ABLIM1: variants seen among roughly 807,000 people sequenced by gnomAD.
ABLIM1 encodes the protein actin-binding LIM protein 1.
In ABLIM1, 40 loss-of-function variants were observed where a neutral mutation model predicts 107.0. The observed-to-expected ratio is 0.37, with a 90% CI of 0.29 to 0.49. The LOEUF is 0.49. Among genes scored for constraint, ABLIM1 ranks in the 20% least tolerant of loss-of-function variants. The pLI is 0.97. For missense variants in ABLIM1, 857 were observed against 1,008.5 expected (o/e 0.85, Z 2.04); for synonymous variants, 357 against 357.3 (o/e 1.00, Z 0.01).
the ABLIM1 span, among the ~76,000 whole-genome samples, chr10:114,797,892 T>C: frequency 1.3e-5 from 2 of 152,196 alleles, no homozygotes; most frequent in East Asian, 3.8e-4. Flanking sequence ...TCTTATCTAC[T>C]TTATCTGAGT....
intron 20 of ABLIM1, chr10:114,439,848 A>G (rs1412652801): frequency 3.4e-5 from 21 of 612,308 alleles, no homozygotes; most frequent in Non-Finnish European, 1.7e-5. Context: ...GGCCAAAGCA[A>G]GAGAGACCCC....
chr10:114,754,035 G>T (rs1326300210), intron 1 of ABLIM1, among the ~76,000 whole-genome samples: 1 of 152,112 alleles, frequency 6.6e-6, no homozygotes, highest in Non-Finnish European at 1.5e-5. Flanking sequence ...TGTATTTTTA[G>T]TAGAGACGGC....
At chr10:114,554,508 G>C (rs1031490931) in intron 4 of ABLIM1, among the ~76,000 whole-genome samples, 1 of 152,198 alleles carries the variant, frequency 6.6e-6, no homozygotes, top group Admixed American at 6.5e-5. Flanking sequence ...ACCAGCCTAG[G>C]CAATATAGTG....
intron 1 of ABLIM1, among the ~76,000 whole-genome samples, chr10:114,712,330 G>C (rs1448302133): frequency 2.7e-5 from 4 of 145,572 alleles, no homozygotes; most frequent in Non-Finnish European, 6.0e-5. Flanking sequence ...TCCAGCCTGG[G>C]TGACAGAGCG....
chr10:114,487,089 GGTC>G (rs1590295637), intron 8 of ABLIM1, among the ~76,000 whole-genome samples: 1 of 152,188 alleles, frequency 6.6e-6, no homozygotes, highest in Admixed American at 6.5e-5. Context: ...TCAGTAAACT[GGTC>G]GTGCTGCTGC....
chr10:114,697,540 C>T (rs1284460171), intron 1 of ABLIM1, among the ~76,000 whole-genome samples: 1 of 152,226 alleles, frequency 6.6e-6, no homozygotes, highest in African/African-American at 2.4e-5. Flanking sequence ...ACCTGCACAG[C>T]GTGAACCTGT....
chr10:114,489,175 G>A (rs1488162571), intron 7 of ABLIM1, among the ~76,000 whole-genome samples: 2 of 152,112 alleles, frequency 1.3e-5, no homozygotes, highest in African/African-American at 4.8e-5. Context: ...GCACCACCAT[G>A]CCTGGGTGAT....
rs933259769 is a variant in ABLIM1, at chr10:114,690,193, C to T, written c.-213+77868G>A. On this transcript the variant is annotated intron_variant, in intron 1 of 15. Coordinates refer to the ABLIM1 transcript ENST00000651092. Reference sequence around the variant, plus strand: ...ATGGTGATTTTCTTGCTGGTCTTTCCATTCCTGGACCCAAAGCGCCCCGTG... The same window carrying T: ...ATGGTGATTTTCTTGCTGGTCTTTCTATTCCTGGACCCAAAGCGCCCCGTG... 4.3e-6 allele frequency: 6 copies of T among 1,406,398 alleles called. No homozygotes were observed. The African/African-American group carries it at 7.1e-5, about 17-fold the overall frequency. The allele number at this position is 1,406,398 out of a possible 1,614,324, so 87.1% of individuals were successfully genotyped here.
intron 1 of ABLIM1, among the ~76,000 whole-genome samples, chr10:114,674,412 A>G (rs1329444816): frequency 6.6e-6 from 1 of 152,214 alleles, no homozygotes; most frequent in Non-Finnish European, 1.5e-5. Flanking sequence ...TAACTGTAAA[A>G]ATGTTTCATA....
At chr10:114,650,018 G>A (rs61867931) in intron 1 of ABLIM1, among the ~76,000 whole-genome samples, 1 of 152,044 alleles carries the variant, frequency 6.6e-6, no homozygotes, top group African/African-American at 2.4e-5. Context: ...ACCATGCCAG[G>A]CTAATTTTTG....
intron 9 of ABLIM1, 31 bp from the exon 10 acceptor site, chr10:114,473,163 C>T: frequency 6.3e-7 from 1 of 1,585,278 alleles, no homozygotes; most frequent in South Asian, 1.1e-5. Flanking sequence ...GAACAATTAC[C>T]TTGTAGTCTG....
At chr10:114,530,606 T>C (rs1012449100) in intron 6 of ABLIM1, among the ~76,000 whole-genome samples, 6 of 152,210 alleles carry the variant, frequency 3.9e-5, no homozygotes, top group Non-Finnish European at 4.4e-5. Context: ...TGATCTCGGC[T>C]TACTGCAACC....
intron 1 of ABLIM1, among the ~76,000 whole-genome samples, chr10:114,759,117 G>A (rs1247733782): frequency 6.6e-6 from 1 of 152,110 alleles, no homozygotes; most frequent in Non-Finnish European, 1.5e-5. Context: ...TTATTTTAAT[G>A]CAGGGTTCAA....
chr10:114,459,086 C>T (rs748747578), intron 12 of ABLIM1, among the ~76,000 whole-genome samples: 1 of 152,232 alleles, frequency 6.6e-6, no homozygotes, highest in Non-Finnish European at 1.5e-5. Flanking sequence ...CTCAGTGAGG[C>T]CCCAGGCCTG....
intron 8 of ABLIM1, among the ~76,000 whole-genome samples, chr10:114,480,933 A>G (rs1015771634): frequency 2.6e-4 from 40 of 152,236 alleles, no homozygotes; most frequent in African/African-American, 8.2e-4. Context: ...TTAATTACAA[A>G]TAAGTAGCCA....
At chr10:114,728,516 T>TA (rs10628347) in intron 1 of ABLIM1, among the ~76,000 whole-genome samples, 35,978 of 90,366 alleles carry the variant, frequency 0.4, 7,122 homozygotes, top group Non-Finnish European at 0.47. Context: ...GATAAGGCAG[T>TA]AAAAAAAAAA....
intron 1 of ABLIM1, chr10:114,615,673 A>G: frequency 2.4e-6 from 1 of 425,226 alleles, no homozygotes; most frequent in South Asian, 1.6e-5. Flanking sequence ...TTTCCAGAGC[A>G]ACAGTCTTTG....
chr10:114,634,726 C>A (rs2140833584), intron 1 of ABLIM1, among the ~76,000 whole-genome samples: 1 of 152,230 alleles, frequency 6.6e-6, no homozygotes, highest in East Asian at 1.9e-4. Flanking sequence ...GTGCCACAGT[C>A]AAAGTGAATG....
At chr10:114,675,146 A>C (rs2080425629) in intron 1 of ABLIM1, among the ~76,000 whole-genome samples, 1 of 152,138 alleles carries the variant, frequency 6.6e-6, no homozygotes, top group African/African-American at 2.4e-5. Context: ...AAGTATCCAC[A>C]ATCATTGAAG....
Sources: gnomAD v4.1 joint callset for allele counts (sites outside exome capture counted in the v4.1 genomes callset) on GRCh38, gnomAD v4.1.1 for gene constraint, MANE v1.5 for transcripts, NCBI Gene and HGNC (gene_info 2026-07-23, HGNC 2026-07-21) for gene names.